The following C11orf65 variants were observed in gnomAD, a reference collection of about 807,000 sequenced individuals.
The protein encoded by C11orf65 is protein MFI.
In C11orf65, 38 loss-of-function variants were observed where a neutral mutation model predicts 35.3. The observed-to-expected ratio is 1.08, with a 90% CI of 0.83 to 1.41. The LOEUF (loss-of-function observed/expected upper bound fraction) is 1.41, where lower values mean the gene tolerates loss of function less well. Among genes scored for constraint, C11orf65 ranks in the 40% most tolerant of loss-of-function variants. C11orf65 has a pLI of 0.00. For synonymous variants in C11orf65, 105 were observed against 114.4 expected, an observed-to-expected ratio of 0.92 and a Z score of 0.53; for missense variants, 370 against 367.1, an observed-to-expected ratio of 1.01 and a Z score of -0.06.
intron 2 of C11orf65, among the ~76,000 whole-genome samples, chr11:108,363,072 C>G (rs1198027736): frequency 6.6e-6 from 1 of 152,162 alleles, no homozygotes; most frequent in African/African-American, 2.4e-5. Flanking sequence ...CCGAATTTCC[C>G]CAAATCATTT....
At chr11:108,398,929 T>C (rs1201181642) in intron 6 of C11orf65, among the ~76,000 whole-genome samples, 1 of 152,200 alleles carries the variant, frequency 6.6e-6, no homozygotes, top group Non-Finnish European at 1.5e-5. Flanking sequence ...GCCTCCTCTA[T>C]TATGGGAATG....
chr11:108,378,143 T>C (rs1166516060), downstream of C11orf65, among the ~76,000 whole-genome samples: 1 of 152,194 alleles, frequency 6.6e-6, no homozygotes, highest in African/African-American at 2.4e-5. Context: ...TTAAAGTTCA[T>C]ATGGAACCAA....
chr11:108,377,184 G>C (rs1174085937), intron 2 of C11orf65, among the ~76,000 whole-genome samples: 1 of 151,742 alleles, frequency 6.6e-6, no homozygotes, highest in East Asian at 1.9e-4. Flanking sequence ...CCAAAAAAGA[G>C]AATGTTAGAC....
intron 8 of C11orf65, among the ~76,000 whole-genome samples, chr11:108,384,229 G>A (rs1200011895): frequency 6.6e-6 from 1 of 152,184 alleles, no homozygotes; most frequent in Non-Finnish European, 1.5e-5. Flanking sequence ...AGAAGCATTG[G>A]TTTGGAGGCT....
At chr11:108,334,839 A>T in intron 3 of C11orf65, 1 of 1,090,270 alleles carries the variant, frequency 9.2e-7, no homozygotes, top group Non-Finnish European at 1.3e-6. Flanking sequence ...CTAAAGTTGT[A>T]GTTCTTAACC....
chr11:108,310,205 A>G, intron 6 of C11orf65: 3 of 1,613,644 alleles, frequency 1.9e-6, no homozygotes, highest in Non-Finnish European at 2.5e-6. Flanking sequence ...GGCTGGATTT[A>G]AATTATCTAG....
chr11:108,461,218 A>T (rs1355069063), intron 2 of C11orf65, among the ~76,000 whole-genome samples: 2 of 152,058 alleles, frequency 1.3e-5, no homozygotes, highest in African/African-American at 4.8e-5. Flanking sequence ...CCTGGCCAAC[A>T]TGGTGAAACC....
At chr11:108,443,974 C>T (rs181433887) in intron 2 of C11orf65, among the ~76,000 whole-genome samples, 116 of 151,858 alleles carry the variant, frequency 7.6e-4, no homozygotes, top group Middle Eastern at 3.4e-3. Flanking sequence ...AAGTTCAGAG[C>T]GGAACTGAAA....
At chr11:108,414,567 T>G (rs575675414) in intron 3 of C11orf65, among the ~76,000 whole-genome samples, 8 of 152,058 alleles carry the variant, frequency 5.3e-5, no homozygotes, top group African/African-American at 1.9e-4. Flanking sequence ...GAATCAATAA[T>G]TAAAACTTTT....
At chr11:108,310,374 G>T (rs1266768906) in intron 6 of C11orf65, 1 of 1,501,388 alleles carries the variant, frequency 6.7e-7, no homozygotes, top group Non-Finnish European at 9.2e-7. Context: ...CTCAATAAGG[G>T]TATATAGTAA....
At chr11:108,354,005 C>G in intron 2 of C11orf65, 1 of 955,356 alleles carries the variant, frequency 1.0e-6, no homozygotes, top group Non-Finnish European at 1.6e-6. Context: ...TGTTTGAGCC[C>G]AGGAGTTTGA....
chr11:108,449,898 G>T (rs567537174), intron 2 of C11orf65, among the ~76,000 whole-genome samples: 1 of 151,784 alleles, frequency 6.6e-6, no homozygotes, highest in South Asian at 2.1e-4. Context: ...CTGACAAAGG[G>T]CTAATATCAA....
intron 6 of C11orf65, among the ~76,000 whole-genome samples, chr11:108,310,480 G>A (rs80070603): frequency 6.6e-6 from 1 of 152,062 alleles, no homozygotes; most frequent in African/African-American, 2.4e-5. Flanking sequence ...AAAGGAATAT[G>A]TAATTCCTGT....
intron 3 of C11orf65, among the ~76,000 whole-genome samples, chr11:108,414,442 A>G (rs1342674197): frequency 6.6e-6 from 1 of 152,048 alleles, no homozygotes; most frequent in Non-Finnish European, 1.5e-5. Context: ...AAATAACTCT[A>G]TGCCCTCAAA....
chr11:108,418,823 C>T (rs970762765), intron 3 of C11orf65, among the ~76,000 whole-genome samples: 4 of 151,942 alleles, frequency 2.6e-5, no homozygotes, highest in Non-Finnish European at 5.9e-5. Flanking sequence ...ATAACTATTA[C>T]AGATTCTAAG....
At chr11:108,441,704 C>G (rs1011935129) in intron 2 of C11orf65, among the ~76,000 whole-genome samples, 7 of 152,216 alleles carry the variant, frequency 4.6e-5, no homozygotes. Flanking sequence ...GATACCCAGG[C>G]AAACAAGGTC....
chr11:108,455,901 C>T (rs2093406799), intron 2 of C11orf65, among the ~76,000 whole-genome samples: 1 of 150,920 alleles, frequency 6.6e-6, no homozygotes, highest in Non-Finnish European at 1.5e-5. Flanking sequence ...TGCCTGTAAT[C>T]CCAGAACTTT....
intron 2 of C11orf65, among the ~76,000 whole-genome samples, chr11:108,373,696 C>T (rs528133388): frequency 1.7e-4 from 26 of 152,324 alleles, no homozygotes; most frequent in Admixed American, 7.2e-4. Context: ...TGCAGCGCAC[C>T]GTGCGCCAGC....
chr11:108,381,750 CTT>C (rs1410637760), downstream of C11orf65, among the ~76,000 whole-genome samples: 2 of 152,174 alleles, frequency 1.3e-5, no homozygotes, highest in African/African-American at 2.4e-5. Flanking sequence ...TTCCTTTTCT[CTT>C]TGTGTTGATT....
Sources: allele counts gnomAD v4.1 joint callset (sites outside exome capture counted in the v4.1 genomes callset), GRCh38; gene constraint gnomAD v4.1.1; transcripts MANE v1.5; gene names NCBI Gene and HGNC (gene_info 2026-07-23, HGNC 2026-07-21).